GANAB: variants seen among roughly 807,000 people sequenced by gnomAD.
GANAB encodes the protein neutral alpha-glucosidase AB.
In GANAB, 35 loss-of-function variants were observed where a neutral mutation model predicts 129.9. The observed-to-expected ratio is 0.27, with a 90% CI of 0.21 to 0.36. The LOEUF is 0.36. GANAB is among the 10% of genes least tolerant of loss of function. The pLI is 1.00. For missense variants in GANAB, 939 were observed against 1,221.0 expected (o/e 0.77, Z 3.44); for synonymous variants, 482 against 451.8 (o/e 1.07, Z -0.85).
chr11:62,637,005 G>A (rs1408831188), intron 4 of GANAB, among the ~76,000 whole-genome samples: 1 of 151,936 alleles, frequency 6.6e-6, no homozygotes, highest in East Asian at 1.9e-4. Context: ...GCTAACAACA[G>A]AAGGTAAAAG....
At chr11:62,637,604 C>T (rs1944001715) in intron 4 of GANAB, among the ~76,000 whole-genome samples, 1 of 152,168 alleles carries the variant, frequency 6.6e-6, no homozygotes, top group South Asian at 2.1e-4. Flanking sequence ...TAGCAAAACA[C>T]TGGAAACAAC....
Position 62,625,339 on chromosome 11 carries a change from G to A in GANAB, c.*476C>T, listed in dbSNP as rs760490276. The A allele has an allele frequency of 2.2e-6, 1 of 452,966 alleles. No homozygotes were observed. Among genetic ancestry groups the A allele is most frequent in the South Asian group, 1.6e-5 (1 of 64,112 alleles). The allele number at this position is 452,966 out of a possible 1,614,324, so 28.1% of individuals were successfully genotyped here. On this transcript the variant is annotated 3_prime_UTR_variant, in exon 24 of 24. Transcript: ENST00000356638. ...GTATCGGTGGGGCATAAAAAGGGGA[G>A]TAAAGCCTGGAGGAAGAAATGAAAG...
chr11:62,634,404 G>C (rs575897273), intron 5 of GANAB: 19 of 1,435,092 alleles, frequency 1.3e-5, no homozygotes, highest in Non-Finnish European at 1.8e-5. Context: ...GGTAGGGAAG[G>C]GGAAAAAGAG....
chr11:62,639,262 T>A, intron 3 of GANAB, 97 bp downstream of exon 3: 9 of 1,282,338 alleles, frequency 7.0e-6, no homozygotes, highest in Non-Finnish European at 6.8e-6. Context: ...GTCCAAAGAT[T>A]AGGCTGGGAC....
intron 1 of GANAB, among the ~76,000 whole-genome samples, chr11:62,643,745 G>A (rs1181320506): frequency 3.9e-5 from 6 of 152,212 alleles, no homozygotes; most frequent in African/African-American, 1.4e-4. Flanking sequence ...GAGCCTGGGA[G>A]TCAGAGGTTG....
At chr11:62,642,678 C>T (rs536297201) in intron 1 of GANAB, among the ~76,000 whole-genome samples, 127 of 152,182 alleles carry the variant, frequency 8.3e-4, no homozygotes, top group African/African-American at 3.0e-3. Flanking sequence ...TAGATCCGCC[C>T]GTCTCAGTCT....
chr11:62,627,390 A>C (rs1484277847), intron 17 of GANAB, 37 bp from the exon 18 acceptor site: 2 of 1,207,612 alleles, frequency 1.7e-6, no homozygotes, highest in East Asian at 2.3e-5. Context: ...AAAACTTTTC[A>C]ATTTTGGCAC....
At chr11:62,634,379 G>C (rs199909143) in intron 5 of GANAB, 7 of 1,602,636 alleles carry the variant, frequency 4.4e-6, no homozygotes, top group Non-Finnish European at 6.0e-6. Context: ...CGAGAAACTG[G>C]GGCAGGAGGA....
At chr11:62,637,796 A>C (rs1944010715) in intron 4 of GANAB, among the ~76,000 whole-genome samples, 1 of 151,738 alleles carries the variant, frequency 6.6e-6, no homozygotes, top group African/African-American at 2.4e-5. Flanking sequence ...GCACTTTGGG[A>C]GGCTGAGGCG....
At chr11:62,633,363 TA>T in intron 6 of GANAB, 81 bp downstream of exon 6, 1 of 1,542,824 alleles carries the variant, frequency 6.5e-7, no homozygotes. Flanking sequence ...ATGGGGAGAC[TA>T]AGTTCAAGTT....
chr11:62,637,883 A>G (rs964912631), intron 4 of GANAB, among the ~76,000 whole-genome samples: 17 of 151,578 alleles, frequency 1.1e-4, no homozygotes, highest in Admixed American at 2.0e-4. Flanking sequence ...CCTGGGAGAC[A>G]GCGAGACTCC....
intron 1 of GANAB, among the ~76,000 whole-genome samples, chr11:62,644,457 TAA>T (rs777738232): frequency 7.0e-6 from 1 of 142,266 alleles, no homozygotes; most frequent in African/African-American, 2.6e-5. Context: ...CGTCTCTACT[TAA>T]AAAAAAAAAA....
chr11:62,631,636 T>C (rs970266811), intron 9 of GANAB, among the ~76,000 whole-genome samples: 3 of 151,642 alleles, frequency 2.0e-5, no homozygotes, highest in Non-Finnish European at 4.4e-5. Flanking sequence ...CTAACTTTTG[T>C]ATTTTCAGTA....
Position 62,639,632 on chromosome 11 carries a change from G to A in GANAB, c.138C>T (p.Phe46=), listed in dbSNP as rs1438501200. The A allele has an allele frequency of 1.9e-6, 3 of 1,604,494 alleles. No homozygotes were observed. Among genetic ancestry groups the A allele is most frequent in the Non-Finnish European group, 1.7e-6 (2 of 1,171,390 alleles). The change falls in exon 2 of 24, where the codon TTC becomes TTT. Residue 46 remains phenylalanine, a synonymous_variant. Coordinates refer to ENST00000356638, the MANE Select transcript of GANAB (RefSeq NM_198334.3). ...SNFKTCEESS[F]CKRQRSIRPG... The stretch of plus-strand genomic sequence containing the variant: ...CTCCCCCAGAAATATCATACTTGCA[G>A]AAAGAACTCTCTTCACAGGTCTTAA...
intron 4 of GANAB, among the ~76,000 whole-genome samples, chr11:62,637,496 CA>C (rs1943997402): frequency 6.6e-6 from 1 of 152,184 alleles, no homozygotes; most frequent in Non-Finnish European, 1.5e-5. Context: ...CCATATTCTA[CA>C]ATCCTGCAAT....
intron 4 of GANAB, among the ~76,000 whole-genome samples, chr11:62,635,826 C>T (rs893918711): frequency 6.6e-6 from 1 of 150,792 alleles, no homozygotes; most frequent in Non-Finnish European, 1.5e-5. Flanking sequence ...TATGATTTTT[C>T]GCCATGTTGG....
Position 62,633,505 on chromosome 11 carries a change from T to C in GANAB, c.570A>G (p.Ser190=). 1 of 1,614,066 alleles carries C rather than the reference T, an allele frequency of 6.2e-7. No homozygotes were observed. Among genetic ancestry groups the C allele is most frequent in the Non-Finnish European group, 8.5e-7 (1 of 1,179,982 alleles). Residue 190 remains serine, a synonymous_variant, in exon 6 of 24, where the codon TCA becomes TCG. Transcript: ENST00000356638. ...CCCCATCGCCCTCAGCTGGGTCTTT[T>C]GATCCTTGCCTGGAAGGTAGGAGAG... ...HQRAPRVSQG[S]KDPAEGDGAQ...
intron 1 of GANAB, 25 bp downstream of exon 1, chr11:62,646,537 C>T: frequency 2.5e-6 from 4 of 1,612,568 alleles, no homozygotes; most frequent in Non-Finnish European, 3.4e-6. Flanking sequence ...GTCCCGGGCG[C>T]GCCCCCAGAT....
At chr11:62,631,353 T>TC (rs1943669777) in intron 9 of GANAB, among the ~76,000 whole-genome samples, 170 bp from the exon 10 acceptor site, 2 of 151,964 alleles carry the variant, frequency 1.3e-5, no homozygotes, top group South Asian at 4.2e-4. Context: ...GACCACACTA[T>TC]CTAAAGCAGT....
Sources: gnomAD v4.1 joint callset for allele counts (sites outside exome capture counted in the v4.1 genomes callset) on GRCh38, gnomAD v4.1.1 for gene constraint, MANE v1.5 for transcripts, NCBI Gene and HGNC (gene_info 2026-07-23, HGNC 2026-07-21) for gene names.